TF: variants seen among roughly 807,000 people sequenced by gnomAD.
TF encodes transferrin.
A neutral mutation model predicts 82.4 loss-of-function variants in TF; 55 were observed. The observed-to-expected ratio is 0.67, with a 90% CI of 0.54 to 0.84. The LOEUF is 0.84. Among genes scored for constraint, TF ranks in the 40% least tolerant of loss-of-function variants. The probability of loss-of-function intolerance (pLI) is 0.00; values close to 1 mark genes in which losing one functional copy is unlikely to be tolerated. For missense variants in TF, 737 were observed against 868.4 expected (o/e 0.85, Z 1.90); for synonymous variants, 332 against 332.6 (o/e 1.00, Z 0.02).
chr3:133,685,076 C>T, the TF span, among the ~76,000 whole-genome samples: 3 of 152,172 alleles, frequency 2.0e-5, no homozygotes, highest in African/African-American at 7.2e-5. Flanking sequence ...ACTAATCCAT[C>T]ATATAAACAG....
chr3:133,759,267 A>C lies in TF; in HGVS notation c.1141A>C (p.Ser381Arg), dbSNP rs770327932. The C allele has an allele frequency of 5.6e-6, 9 of 1,613,948 alleles. No individual in the cohort carries two copies. Among genetic ancestry groups the C allele is most frequent in the African/African-American group, 1.3e-5 (1 of 74,890 alleles). The change falls in exon 9 of 17, where the codon AGT becomes CGT. Residue 381 changes from serine (S) to arginine (R), a missense_variant. Ser to Arg is a moderately radical substitution (Grantham distance 110). Coordinates refer to ENST00000402696, the MANE Select transcript of TF (RefSeq NM_001063.4). ...RLKCDEWSVNSVGKIECVSAE... is the reference protein window; with the variant it reads ...RLKCDEWSVNRVGKIECVSAE... ...CAAGTGTGATGAGTGGAGTGTTAACAGTGTAGGGAAAATAGAGTGTGTATC... is the reference window on the plus strand; with the variant it reads ...CAAGTGTGATGAGTGGAGTGTTAACCGTGTAGGGAAAATAGAGTGTGTATC...
At chr3:133,748,685 A>G (rs1467606516) in intron 2 of TF, 101 bp downstream of exon 2, 1 of 1,423,946 alleles carries the variant, frequency 7.0e-7, no homozygotes, top group Admixed American at 2.0e-5. Flanking sequence ...AGGCTGATAT[A>G]TGGGGCAGTC....
In TF at chr3:133,764,183, A is replaced by G. The variant is rs774412880; in HGVS notation, c.1205A>G (p.Asn402Ser). 20 of 1,613,572 alleles carry G rather than the reference A, an allele frequency of 1.2e-5. No homozygotes were observed. Among genetic ancestry groups the G allele is most frequent in the Non-Finnish European group, 1.5e-5 (18 of 1,179,662 alleles). ...CTGTGATTTGCTGTGTCTTTGCAGA[A>G]TGGAGAAGCTGATGCCATGAGCTTG... Reference protein sequence around the residue: ...TTEDCIAKIMNGEADAMSLDG... With the variant: ...TTEDCIAKIMSGEADAMSLDG... The change falls in exon 10 of 17, where the codon AAT (asparagine) becomes AGT (serine). Residue 402 changes from asparagine to serine, a missense_variant and splice_region_variant. Coordinates refer to ENST00000402696, the MANE Select transcript of TF (RefSeq NM_001063.4).
intron 1 of TF, chr3:133,747,276 C>G (rs1933528674): frequency 1.3e-5 from 2 of 152,526 alleles, no homozygotes; most frequent in South Asian, 4.1e-4. Flanking sequence ...ACTTCACAGG[C>G]TGTGCAAGGT....
chr3:133,754,318 T>C (rs1933763570), intron 3 of TF, among the ~76,000 whole-genome samples, 177 bp from the exon 4 acceptor site: 1 of 152,202 alleles, frequency 6.6e-6, no homozygotes, highest in Non-Finnish European at 1.5e-5. Flanking sequence ...ATTCCTTCTA[T>C]GGTCTTCTCT....
the TF span, among the ~76,000 whole-genome samples, chr3:133,711,666 A>G: frequency 6.6e-6 from 1 of 151,734 alleles, no homozygotes; most frequent in Non-Finnish European, 1.5e-5. Flanking sequence ...TGCCACCTGA[A>G]CTCCACATCC....
Position 133,785,033 on chromosome 3 carries a change from T to A in TF, c.*6413T>A, listed in dbSNP as rs1316100889. 1 of 103,948 alleles carries A rather than the reference T, an allele frequency of 9.6e-6. No homozygotes were observed. Among genetic ancestry groups the A allele is most frequent in the African/African-American group, 3.5e-5 (1 of 28,594 alleles). The allele number at this position is 103,948 out of a possible 1,614,324, so 6.4% of individuals were successfully genotyped here. On this transcript the variant is annotated 3_prime_UTR_variant, in exon 17 of 17. Coordinates refer to ENST00000402696, the MANE Select transcript of TF (RefSeq NM_001063.4). ...CCCCCGCCCGGCCAGCCGCCCCGTCTGGGAGGTGAGGGGCGCCTCTGCCCG... is the reference window on the plus strand; with the variant it reads ...CCCCCGCCCGGCCAGCCGCCCCGTCAGGGAGGTGAGGGGCGCCTCTGCCCG...
the TF span, among the ~76,000 whole-genome samples, chr3:133,672,301 G>A: frequency 0.033 from 4,988 of 152,160 alleles, 99 homozygotes; most frequent in Middle Eastern, 0.048. Context: ...AAGAAAGAAT[G>A]CTATTCTTAC....
chr3:133,729,530 G>T, the TF span, among the ~76,000 whole-genome samples: 1 of 152,220 alleles, frequency 6.6e-6, no homozygotes, highest in South Asian at 2.1e-4. Context: ...TATTCGGGTG[G>T]AAGTGACCCG....
At chr3:133,750,779 A>T (rs8177198) in intron 2 of TF, among the ~76,000 whole-genome samples, 22,216 of 151,758 alleles carry the variant, frequency 0.15, 1,673 homozygotes, top group East Asian at 0.2. Context: ...TTTTTTAAAA[A>T]ATATATATAT....
the TF span, among the ~76,000 whole-genome samples, chr3:133,729,993 T>C: frequency 4.3e-4 from 65 of 152,338 alleles, 1 homozygote; most frequent in South Asian, 0.012. Context: ...TTGTGGCCTC[T>C]TACTGGACAT....
At chr3:133,691,225 G>A in the TF span, among the ~76,000 whole-genome samples, 1 of 152,168 alleles carries the variant, frequency 6.6e-6, no homozygotes, top group African/African-American at 2.4e-5. Flanking sequence ...CTTGCTTCTT[G>A]AAGGAAGGAA....
At chr3:133,719,847 A>G in the TF span, among the ~76,000 whole-genome samples, 4 of 151,798 alleles carry the variant, frequency 2.6e-5, no homozygotes, top group Non-Finnish European at 4.4e-5. Flanking sequence ...GTTTATTCCT[A>G]GTTATCTTTT....
the TF span, among the ~76,000 whole-genome samples, chr3:133,714,541 T>C: frequency 6.6e-6 from 1 of 152,206 alleles, no homozygotes; most frequent in Non-Finnish European, 1.5e-5. Flanking sequence ...CATCAGAAGG[T>C]GCATTGGTGT....
chr3:133,704,833 C>T, the TF span, among the ~76,000 whole-genome samples: 1 of 151,456 alleles, frequency 6.6e-6, no homozygotes. Context: ...GATCCATCCA[C>T]ATGGAAAAAT....
chr3:133,724,265 T>C, the TF span, among the ~76,000 whole-genome samples: 17 of 152,250 alleles, frequency 1.1e-4, no homozygotes, highest in Admixed American at 4.6e-4. Context: ...AGTTTACAGT[T>C]CCACCAACAG....
At chr3:133,715,219 T>G in the TF span, among the ~76,000 whole-genome samples, 147 of 152,272 alleles carry the variant, frequency 9.7e-4, no homozygotes, top group Non-Finnish European at 1.7e-3. Context: ...ATTCCATACT[T>G]TCTCCTCTCC....
At position 133,784,471 on chromosome 3, in the gene TF, A is replaced by AAAAAAAATAAT. The variant is rs763086171; in HGVS notation, c.*5853_*5854insAAAAATAATAA. On this transcript the variant is annotated 3_prime_UTR_variant, in exon 17 of 17. Transcript: ENST00000402696. ...TCTTGTAAATTCCCATTTGTTAAAA[A>AAAAAAAATAAT]AATAATAATAATAATAATAATAATA... 2.8e-5 allele frequency: 3 copies of AAAAAAAATAAT among 105,596 alleles called. 1 individual carries two copies. Among genetic ancestry groups the AAAAAAAATAAT allele is most frequent in the African/African-American group, 7.5e-5 (2 of 26,606 alleles). The allele number at this position is 105,596 out of a possible 1,614,324, so 6.5% of individuals were successfully genotyped here. A position where few individuals can be genotyped will look rare whatever the true frequency, so the allele number is the denominator to read the frequency against.
In TF at chr3:133,779,165, C is replaced by T. The variant is rs1934465537; in HGVS notation, c.*545C>T. ...GGTATTTTAAATGAATTCCATCAGG[C>T]TGAGGTCCTGATTCTAACTAGCTGA... On this transcript the variant is annotated 3_prime_UTR_variant, in exon 17 of 17. Coordinates refer to ENST00000402696, the MANE Select transcript of TF (RefSeq NM_001063.4). The T allele has an allele frequency of 6.4e-6, 1 of 155,096 alleles. No homozygotes were observed. The highest frequency in any genetic ancestry group is 6.3e-5 in the Admixed American group (1 of 15,840). 9.6% of individuals were successfully genotyped at this position (155,096 alleles called of 1,614,324 possible).
Sources: gnomAD v4.1 joint callset for allele counts (sites outside exome capture counted in the v4.1 genomes callset) on GRCh38, gnomAD v4.1.1 for gene constraint, MANE v1.5 for transcripts, NCBI Gene and HGNC (gene_info 2026-07-23, HGNC 2026-07-21) for gene names.